The following CFAP276 variants were observed in gnomAD, a reference collection of about 807,000 sequenced individuals.
CFAP276 encodes the protein cilia- and flagella-associated protein 276.
At chr1:109,110,743 C>T in the CFAP276 span, among the ~76,000 whole-genome samples, 1 of 152,310 alleles carries the variant, frequency 6.6e-6, no homozygotes, top group Admixed American at 6.5e-5. Context: ...ATCTTCAATC[C>T]AGAACTCTCA....
the CFAP276 span, among the ~76,000 whole-genome samples, chr1:109,113,137 C>T: frequency 1.3e-5 from 2 of 152,110 alleles, no homozygotes. Flanking sequence ...CGCCTGTAAT[C>T]TCAGCACTTT....
chr1:109,106,100 T>A, the CFAP276 span: 1 of 1,609,590 alleles, frequency 6.2e-7, no homozygotes, highest in Admixed American at 1.7e-5. Flanking sequence ...GAGGGGACAC[T>A]GTGGAGAAAA....
chr1:109,111,329 G>A, the CFAP276 span, among the ~76,000 whole-genome samples: 1 of 152,112 alleles, frequency 6.6e-6, no homozygotes, highest in Non-Finnish European at 1.5e-5. Flanking sequence ...GAATTAGCCG[G>A]GTGTGGTGGC....
chr1:109,106,388 A>G, the CFAP276 span: 3 of 1,066,938 alleles, frequency 2.8e-6, no homozygotes, highest in Admixed American at 7.0e-5. Context: ...TTAATCTGGT[A>G]CTTGCCAACT....
chr1:109,106,470 T>G, the CFAP276 span: 1 of 1,567,476 alleles, frequency 6.4e-7, no homozygotes, highest in South Asian at 1.2e-5. Context: ...AATCCCTGAT[T>G]CATGGGTCCA....
At chr1:109,108,053 C>A in the CFAP276 span, 4 of 1,461,890 alleles carry the variant, frequency 2.7e-6, no homozygotes, top group Non-Finnish European at 3.8e-6. Context: ...AAAGAGAAAC[C>A]GTATCCAGGA....
At chr1:109,113,460 GAGAGAGA>G in the CFAP276 span, among the ~76,000 whole-genome samples, 9 of 138,548 alleles carry the variant, frequency 6.5e-5, no homozygotes, top group Non-Finnish European at 9.5e-5. Flanking sequence ...GAGAGAGAGA[GAGAGAGA>G]GGCCCACGTG....
At chr1:109,107,258 A>G in the CFAP276 span, 281 of 667,884 alleles carry the variant, frequency 4.2e-4, 1 homozygote, top group East Asian at 6.8e-3. Context: ...CTCCGTACAC[A>G]CTAAATTGTT....
the CFAP276 span, among the ~76,000 whole-genome samples, chr1:109,111,871 C>T: frequency 6.6e-6 from 1 of 152,226 alleles, no homozygotes; most frequent in African/African-American, 2.4e-5. Context: ...ACAACATGTG[C>T]TATTGTGCAA....
the CFAP276 span, among the ~76,000 whole-genome samples, chr1:109,112,959 G>C: frequency 6.6e-6 from 1 of 152,188 alleles, no homozygotes; most frequent in African/African-American, 2.4e-5. Flanking sequence ...CGGCGGAAAA[G>C]TGCTGGCTGC....
the CFAP276 span, chr1:109,106,725 G>A: frequency 2.1e-4 from 321 of 1,538,462 alleles, no homozygotes; most frequent in Non-Finnish European, 2.8e-4. Flanking sequence ...AGGAAGGCAA[G>A]GTAGTTGAAT....
chr1:109,113,416 A>AAAGAGAGAGAGAGAG, the CFAP276 span, among the ~76,000 whole-genome samples: 1 of 68,080 alleles, frequency 1.5e-5, no homozygotes. Context: ...GAGAGAGAGA[A>AAAGAGAGAGAGAGAG]AGAGAGAGAG....
chr1:109,107,964 G>A, the CFAP276 span: 1 of 1,613,674 alleles, frequency 6.2e-7, no homozygotes, highest in Non-Finnish European at 8.5e-7. Context: ...GGAAGTAATT[G>A]TGGGGGTTGA....
At chr1:109,106,015 G>A in the CFAP276 span, 1 of 1,604,484 alleles carries the variant, frequency 6.2e-7, no homozygotes, top group South Asian at 1.1e-5. Flanking sequence ...ATTAGTTCAG[G>A]GATCTGTCAA....
At chr1:109,113,532 T>A in the CFAP276 span, 1 of 1,174,964 alleles carries the variant, frequency 8.5e-7, no homozygotes, top group Non-Finnish European at 1.2e-6. Flanking sequence ...TCGGATCAAC[T>A]ACAGTGTCAG....
chr1:109,111,034 A>T, the CFAP276 span, among the ~76,000 whole-genome samples: 8 of 152,172 alleles, frequency 5.3e-5, no homozygotes, highest in Non-Finnish European at 1.0e-4. Context: ...GCACTGCTGT[A>T]GATCTGTTAC....
the CFAP276 span, among the ~76,000 whole-genome samples, chr1:109,108,919 G>A: frequency 6.6e-6 from 1 of 152,164 alleles, no homozygotes; most frequent in East Asian, 1.9e-4. Context: ...CCAATAAGCA[G>A]GGAAGGGTCA....
chr1:109,113,569 G>A, the CFAP276 span: 1 of 1,554,410 alleles, frequency 6.4e-7, no homozygotes, highest in Non-Finnish European at 8.9e-7. Context: ...GGTTGTAAAA[G>A]CACGGATGGA....
chr1:109,107,015 A>G, the CFAP276 span: 1,227 of 1,612,924 alleles, frequency 7.6e-4, 14 homozygotes, highest in African/African-American at 0.015. Context: ...ACCTATAGGT[A>G]TCCTGCGTGG....
Sources: gnomAD v4.1 joint callset for allele counts (sites outside exome capture counted in the v4.1 genomes callset) on GRCh38, gnomAD v4.1.1 for gene constraint, MANE v1.5 for transcripts, NCBI Gene and HGNC (gene_info 2026-07-23, HGNC 2026-07-21) for gene names.